The following ZMYM4 variants were observed in gnomAD, a reference collection of about 807,000 sequenced individuals.
ZMYM4 encodes zinc finger MYM-type protein 4.
ZMYM4 carries 31 observed loss-of-function variants against 183.2 expected under a neutral mutation model. The observed-to-expected ratio is 0.17, with a 90% CI of 0.13 to 0.23. The LOEUF (loss-of-function observed/expected upper bound fraction) is 0.23, where lower values mean the gene tolerates loss of function less well. Ranked by LOEUF, ZMYM4 falls within the 10% of genes least tolerant of loss-of-function variation. ZMYM4 has a pLI of 1.00. For synonymous variants in ZMYM4, 592 were observed against 631.2 expected, an observed-to-expected ratio of 0.94 and a Z score of 0.93; for missense variants, 1,273 against 1,840.3, an observed-to-expected ratio of 0.69 and a Z score of 5.64.
At chr1:35,269,174 C>T (rs1639464089) in intron 1 of ZMYM4, 89 bp downstream of exon 1, 2 of 1,488,298 alleles carry the variant, frequency 1.3e-6, no homozygotes, top group Non-Finnish European at 9.0e-7. Flanking sequence ...GTGGAGGGGT[C>T]GCCGAGGCCC....
At chr1:35,298,638 C>T (rs1641131455) in intron 1 of ZMYM4, among the ~76,000 whole-genome samples, 1 of 151,852 alleles carries the variant, frequency 6.6e-6, no homozygotes, top group African/African-American at 2.4e-5. Flanking sequence ...ATTTGGAGTC[C>T]TGCACAACAC....
At chr1:35,328,285 TTTTAGTTTTTATTTTAGAGACAGGGTC>T (rs1642589398) in intron 2 of ZMYM4, among the ~76,000 whole-genome samples, 1 of 151,936 alleles carries the variant, frequency 6.6e-6, no homozygotes, top group Non-Finnish European at 1.5e-5. Context: ...TTATTCTTTA[TTTTAGTTTTTATTTTAGAGACAGGGTC>T]TTGCAGTTGC....
chr1:35,273,818 AAG>A (rs1639733579), intron 1 of ZMYM4, among the ~76,000 whole-genome samples: 1 of 152,184 alleles, frequency 6.6e-6, no homozygotes, highest in Non-Finnish European at 1.5e-5. Flanking sequence ...GGAGAAACGA[AAG>A]AGAGTATAAG....
At chr1:35,283,172 ATT>A (rs374953287) in intron 1 of ZMYM4, among the ~76,000 whole-genome samples, 4 of 121,114 alleles carry the variant, frequency 3.3e-5, no homozygotes, top group Non-Finnish European at 3.4e-5. Flanking sequence ...TGCCTGGCTA[ATT>A]TTTTTTTTTT....
intron 23 of ZMYM4, 68 bp downstream of exon 23, chr1:35,399,644 T>C: frequency 6.5e-7 from 1 of 1,550,164 alleles, no homozygotes; most frequent in Non-Finnish European, 8.9e-7. Flanking sequence ...TAGTTCCTGC[T>C]GCTTTCAAAA....
At chr1:35,317,130 A>G (rs1473032734) in intron 1 of ZMYM4, among the ~76,000 whole-genome samples, 2 of 147,872 alleles carry the variant, frequency 1.4e-5, no homozygotes, top group African/African-American at 2.5e-5. Context: ...CTCAAAAAAA[A>G]AAAAAAAGTT....
intron 7 of ZMYM4, among the ~76,000 whole-genome samples, chr1:35,378,672 G>A (rs940689609): frequency 6.6e-6 from 1 of 152,166 alleles, no homozygotes; most frequent in African/African-American, 2.4e-5. Context: ...TAACAAGTCA[G>A]TCAGCCTGTC....
chr1:35,388,261 A>T (rs1210833563), intron 13 of ZMYM4, among the ~76,000 whole-genome samples: 1 of 152,118 alleles, frequency 6.6e-6, no homozygotes, highest in African/African-American at 2.4e-5. Flanking sequence ...CTGGAATGCC[A>T]TGGAGCGATC....
intron 5 of ZMYM4, among the ~76,000 whole-genome samples, chr1:35,366,885 G>A (rs1486533515): frequency 4.6e-5 from 7 of 152,056 alleles, no homozygotes; most frequent in Non-Finnish European, 1.0e-4. Flanking sequence ...TTAGCCGGGC[G>A]TGGTGGTGCA....
At chr1:35,347,972 G>C in intron 2 of ZMYM4, among the ~76,000 whole-genome samples, 1 of 152,126 alleles carries the variant, frequency 6.6e-6, no homozygotes. Flanking sequence ...ACTTTTGACA[G>C]TTTTTAGGTA....
rs139535337 is a variant in ZMYM4 at position 35,389,781 on chromosome 1, ATGTGTGTG to A, written c.2437-147_2437-140del. On this transcript the variant is annotated intron_variant, in intron 14 of 29. Transcript: ENST00000314607. This position sits in a 1 kb window ranked among gnomAD's most constrained non-coding sequence, Gnocchi z 4.0. ...AAAAAAAAAAAAAATATATATATAT[ATGTGTGTG>A]TGTGTGTGTGTGTGTGTGTATAATC... 1.4e-5 allele frequency among the ~76,000 whole-genome samples: 2 copies of A among 141,478 alleles called. No homozygotes were observed. The highest frequency in any genetic ancestry group is 4.4e-4 in the South Asian group (2 of 4,532). The allele number at this position is 141,478 out of a possible 152,430, so 92.8% of individuals were successfully genotyped here.
At chr1:35,284,706 G>C (rs1640382909) in intron 1 of ZMYM4, among the ~76,000 whole-genome samples, 1 of 152,212 alleles carries the variant, frequency 6.6e-6, no homozygotes, top group Non-Finnish European at 1.5e-5. Context: ...AGTGCCCACA[G>C]GTAGGTTTTA....
Position 35,281,283 on chromosome 1 carries a change from CAAAAAAA to C in ZMYM4, c.39+12207_39+12213del, listed in dbSNP as rs140464833. Among the ~76,000 whole-genome samples the C allele has an allele frequency of 2.7e-5, 3 of 109,630 alleles. No individual in the cohort carries two copies. In the Admixed American group the frequency reaches 2.9e-4, roughly 11 times the overall value. 71.9% of individuals were successfully genotyped at this position (109,630 alleles called of 152,430 possible). A position where few individuals can be genotyped will look rare whatever the true frequency, so the allele number is the denominator to read the frequency against. On this transcript the variant is annotated intron_variant, in intron 1 of 29. Transcript: ENST00000314607. Reference sequence around the variant, plus strand: ...TGGGTGACAGAGCGAGACTCCATCTCAAAAAAAAAAAAAAATTACCTTAAGTTTAAAA... The same window carrying C: ...TGGGTGACAGAGCGAGACTCCATCTCAAAAAAAATTACCTTAAGTTTAAAA...
intron 1 of ZMYM4, among the ~76,000 whole-genome samples, chr1:35,307,121 A>C (rs1196640032): frequency 6.6e-6 from 1 of 152,182 alleles, no homozygotes; most frequent in Non-Finnish European, 1.5e-5. Context: ...CTTTTTCCTC[A>C]TCTCTAAAAT....
intron 2 of ZMYM4, among the ~76,000 whole-genome samples, chr1:35,332,860 GA>G (rs1382015076): frequency 6.6e-6 from 1 of 151,994 alleles, no homozygotes; most frequent in Non-Finnish European, 1.5e-5. Flanking sequence ...GCACTTGCCT[GA>G]TTTGTATATT....
intron 1 of ZMYM4, among the ~76,000 whole-genome samples, chr1:35,305,642 C>G (rs1307502423): frequency 6.6e-6 from 1 of 152,028 alleles, no homozygotes; most frequent in African/African-American, 2.4e-5. Flanking sequence ...CTCCTGGGCT[C>G]CAGCAGTCCT....
At chr1:35,402,488 A>G (rs1015030284) in intron 23 of ZMYM4, among the ~76,000 whole-genome samples, 3 of 151,998 alleles carry the variant, frequency 2.0e-5, no homozygotes, top group Non-Finnish European at 2.9e-5. Flanking sequence ...ATGGTGACGC[A>G]TGCTGGTGGT....
chr1:35,399,682 C>G (rs946151876), intron 23 of ZMYM4, 106 bp downstream of exon 23: 1 of 1,164,630 alleles, frequency 8.6e-7, no homozygotes, highest in Non-Finnish European at 1.2e-6. Flanking sequence ...TCAGGTAGTT[C>G]CACATGTTGT....
intron 2 of ZMYM4, 132 bp from the exon 3 acceptor site, chr1:35,358,793 G>A: frequency 1.3e-6 from 1 of 774,386 alleles, no homozygotes; most frequent in Non-Finnish European, 2.0e-6. Context: ...ATATCAAAGT[G>A]TTAAATGAAT....
Sources: gnomAD v4.1 joint callset for allele counts (sites outside exome capture counted in the v4.1 genomes callset) on GRCh38, gnomAD v4.1.1 for gene constraint, Gnocchi (gnomAD v3.1) non-coding constraint, MANE v1.5 for transcripts, NCBI Gene and HGNC (gene_info 2026-07-23, HGNC 2026-07-21) for gene names.